Variants in TRNT1 observed in about 807,000 individuals in gnomAD.
TRNT1 encodes CCA tRNA nucleotidyltransferase 1, mitochondrial.
In TRNT1, 44 loss-of-function variants were observed where a neutral mutation model predicts 45.6. That is an observed-to-expected ratio of 0.97 (90% CI 0.76 to 1.24). TRNT1 has a LOEUF of 1.24. Ranked by LOEUF, TRNT1 falls within the 50% of genes most tolerant of loss-of-function variation. The pLI is 0.00. For synonymous variants in TRNT1, 201 were observed against 171.4 expected (o/e 1.17, Z -1.35); for missense variants, 633 against 504.4 (o/e 1.25, Z -2.44).
At chr3:3,152,901 G>A (rs1362325667), downstream of TRNT1, 1 of 404,998 alleles carries the variant, frequency 2.5e-6, no homozygotes, top group South Asian at 2.5e-5. Context: ...GAGTCTGAGA[G>A]TGTAAGTGCA....
chr3:3,141,281 T>C (rs1705633132), intron 4 of TRNT1, among the ~76,000 whole-genome samples: 1 of 152,152 alleles, frequency 6.6e-6, no homozygotes, highest in Non-Finnish European at 1.5e-5. Context: ...CATATAAACA[T>C]GATTTCAGGG....
chr3:3,137,048 TTC>T (rs1410383017), intron 2 of TRNT1, among the ~76,000 whole-genome samples: 2 of 152,222 alleles, frequency 1.3e-5, no homozygotes, highest in Non-Finnish European at 2.9e-5. Flanking sequence ...ATTCTGCAAG[TTC>T]TCTGTTTCCT....
intron 1 of TRNT1, 126 bp from the exon 2 acceptor site, chr3:3,128,875 ACTGACACCGTTTT>A: frequency 3.0e-6 from 2 of 659,444 alleles, no homozygotes; most frequent in Admixed American, 5.7e-5. Context: ...AATCCCTCAA[ACTGACACCGTTTT>A]CAGTTTTTTC....
chr3:3,139,801 A>G (rs1221445136), intron 3 of TRNT1, among the ~76,000 whole-genome samples: 1 of 151,878 alleles, frequency 6.6e-6, no homozygotes, highest in African/African-American at 2.4e-5. Flanking sequence ...ATCTCGACTC[A>G]CTGCAGCCTC....
At chr3:3,149,953 C>CT (rs1184031317), downstream of TRNT1, 6 of 152,190 alleles carry the variant, frequency 3.9e-5, no homozygotes, top group Admixed American at 6.5e-5. Context: ...GCAAAGCAGC[C>CT]TTTTTAGAAC....
chr3:3,137,058 C>G (rs757709202), intron 2 of TRNT1, among the ~76,000 whole-genome samples: 2 of 152,122 alleles, frequency 1.3e-5, no homozygotes, highest in African/African-American at 2.4e-5. Flanking sequence ...TTCTCTGTTT[C>G]CTGTTGGTCC....
rs79309375 is a variant in TRNT1, at chr3:3,147,303, G to A, written c.803-147G>A. 16,054 of 835,040 alleles carry A rather than the reference G, an allele frequency of 0.019. 204 individuals are homozygous for A. The highest frequency in any genetic ancestry group is 0.023 in the Non-Finnish European group (12,437 of 532,276). 51.7% of individuals were successfully genotyped at this position (835,040 alleles called of 1,614,324 possible). The stretch of plus-strand genomic sequence containing the variant: ...GAGAATAACAATATATTAGTGGTTC[G>A]CCTTTAAGTTGGAACATCAGACTGA... On this transcript the variant is annotated intron_variant, in intron 6 of 7. Transcript: ENST00000251607.
At chr3:3,135,328 C>T (rs1253116730) in intron 2 of TRNT1, among the ~76,000 whole-genome samples, 1 of 152,098 alleles carries the variant, frequency 6.6e-6, no homozygotes, top group Non-Finnish European at 1.5e-5. Context: ...ACAAATAGGT[C>T]ATGGAAGCCT....
chr3:3,136,355 C>G (rs1416576256), intron 2 of TRNT1, among the ~76,000 whole-genome samples: 1 of 152,148 alleles, frequency 6.6e-6, no homozygotes, highest in South Asian at 2.1e-4. Context: ...TTGCCTTATC[C>G]TCTACATATA....
At chr3:3,132,731 G>GAAAAAAAAAAAAAA (rs369384116) in intron 2 of TRNT1, among the ~76,000 whole-genome samples, 5 of 88,944 alleles carry the variant, frequency 5.6e-5, no homozygotes, top group Admixed American at 1.3e-4. Context: ...CCTATTGAAG[G>GAAAAAAAAAAAAAA]AAAAAAAAAA....
intron 2 of TRNT1, among the ~76,000 whole-genome samples, chr3:3,135,941 G>A (rs1705301433): frequency 6.6e-6 from 1 of 152,166 alleles, no homozygotes; most frequent in African/African-American, 2.4e-5. Flanking sequence ...TAGGAGTTGG[G>A]CTTGTATTGG....
chr3:3,128,121 G>A (rs1263113771), intron 1 of TRNT1: 1 of 152,174 alleles, frequency 6.6e-6, no homozygotes, highest in African/African-American at 2.4e-5. Context: ...TCTGGAGCCT[G>A]AGTAAATTTA....
rs1706210020 is a variant in TRNT1, at chr3:3,148,390, A to AAAAC, written c.*238_*241dup. ...TTCTTTTGGAATAGTTTCACCTGAGAAAACATAGTTGGCTATTATCTATCT... is the reference window on the plus strand; with the variant it reads ...TTCTTTTGGAATAGTTTCACCTGAGAAAACAAACATAGTTGGCTATTATCTATCT... On this transcript the variant is annotated 3_prime_UTR_variant, in exon 8 of 8. Coordinates refer to ENST00000251607, the MANE Select transcript of TRNT1 (RefSeq NM_182916.3). The AAAAC allele has an allele frequency of 2.4e-6, 1 of 416,034 alleles. No individual in the cohort carries two copies. Among genetic ancestry groups the AAAAC allele is most frequent in the Admixed American group, 4.1e-5 (1 of 24,324 alleles). The allele number at this position is 416,034 out of a possible 1,614,324, so 25.8% of individuals were successfully genotyped here.
rs1211462853 is a variant in TRNT1, at chr3:3,148,223, G to A, written c.*69G>A. 5.2e-6 allele frequency: 8 copies of A among 1,541,040 alleles called. No individual in the cohort carries two copies. The highest frequency in any genetic ancestry group is 2.3e-5 in the East Asian group (1 of 44,380). ...ATTTTCTCCCCTCCCTCTTAATGAG[G>A]TTTTAGAGACTACACCAGAATAAAA... is the stretch of plus-strand genomic sequence containing the variant. On this transcript the variant is annotated 3_prime_UTR_variant, in exon 8 of 8. Coordinates refer to ENST00000251607, the MANE Select transcript of TRNT1 (RefSeq NM_182916.3).
At position 3,148,409 on chromosome 3, in the gene TRNT1, T is replaced by C. The variant is rs1231563750; in HGVS notation, c.*255T>C. The stretch of plus-strand genomic sequence containing the variant: ...CCTGAGAAAACATAGTTGGCTATTA[T>C]CTATCTTAACCTGTTCAGGCTTTTA... On this transcript the variant is annotated 3_prime_UTR_variant, in exon 8 of 8. Transcript: ENST00000251607. 1.9e-5 allele frequency: 7 copies of C among 377,812 alleles called. No homozygotes were observed. Among genetic ancestry groups the C allele is most frequent in the Non-Finnish European group, 2.9e-5 (6 of 208,750 alleles). The allele number at this position is 377,812 out of a possible 1,614,324, so 23.4% of individuals were successfully genotyped here. A position where few individuals can be genotyped will look rare whatever the true frequency, so the allele number is the denominator to read the frequency against.
chr3:3,152,406 C>CAATT (rs1559240632), downstream of TRNT1: 1 of 1,577,802 alleles, frequency 6.3e-7, no homozygotes, highest in East Asian at 2.3e-5. Flanking sequence ...TTTTTCTGCC[C>CAATT]AATTAAGGTA....
At chr3:3,137,723 A>G (rs1190113895) in intron 3 of TRNT1, among the ~76,000 whole-genome samples, 4 of 150,090 alleles carry the variant, frequency 2.7e-5, no homozygotes, top group Non-Finnish European at 3.0e-5. Context: ...TTGACTTTCC[A>G]TAAGGGAAGA....
At chr3:3,128,919 T>G (rs1398372218) in intron 1 of TRNT1, 95 bp from the exon 2 acceptor site, 10 of 947,434 alleles carry the variant, frequency 1.1e-5, no homozygotes, top group Non-Finnish European at 1.6e-5. Flanking sequence ...GAGATGAATT[T>G]CTGAGTTGAT....
At chr3:3,144,525 G>T in intron 4 of TRNT1, 59 bp from the exon 5 acceptor site, 1 of 1,487,564 alleles carries the variant, frequency 6.7e-7, no homozygotes, top group Non-Finnish European at 9.2e-7. Flanking sequence ...TGATTTTCTT[G>T]TGTTTTCAAA....
Sources: gnomAD v4.1 joint callset for allele counts (sites outside exome capture counted in the v4.1 genomes callset) on GRCh38, gnomAD v4.1.1 for gene constraint, MANE v1.5 for transcripts, NCBI Gene and HGNC (gene_info 2026-07-23, HGNC 2026-07-21) for gene names.